Variants in TBC1D5 observed in about 807,000 individuals in gnomAD.
TBC1D5 encodes the protein TBC1 domain family, member 5.
Under a neutral mutation model 100.3 loss-of-function variants are expected in TBC1D5, and 75 were observed. The ratio of observed to expected loss-of-function variants is 0.75; its 90% CI spans 0.62 to 0.91. The LOEUF (loss-of-function observed/expected upper bound fraction) is 0.91. Ranked by LOEUF, TBC1D5 falls within the 40% of genes least tolerant of loss-of-function variation. TBC1D5 has a pLI of 0.00. For synonymous variants in TBC1D5, 323 were observed against 325.6 expected, an observed-to-expected ratio of 0.99 and a Z score of 0.09; for missense variants, 910 against 942.4, an observed-to-expected ratio of 0.97 and a Z score of 0.45.
chr3:17,209,927 C>CTA (rs1387416727), intron 18 of TBC1D5, among the ~76,000 whole-genome samples: 1 of 152,138 alleles, frequency 6.6e-6, no homozygotes, highest in African/African-American at 2.4e-5. Flanking sequence ...TTTAGCAGTG[C>CTA]TATAGTCTTC....
chr3:17,270,517 T>C (rs1297923727), intron 15 of TBC1D5, among the ~76,000 whole-genome samples: 2 of 152,172 alleles, frequency 1.3e-5, no homozygotes, highest in Non-Finnish European at 2.9e-5. Context: ...TACTTCACTG[T>C]AAGTGAGCAT....
In TBC1D5 at chr3:17,476,462, GTCTA is replaced by G. The variant is rs1276931008; in HGVS notation, c.97+32008_97+32011del. Among the ~76,000 whole-genome samples the G allele has an allele frequency of 9.2e-5, 14 of 152,022 alleles. No homozygotes were observed. In the East Asian group the frequency reaches 9.6e-4, roughly 10 times the overall value. Reference sequence around the variant, plus strand: ...GTATTTGGTTTTCATGTAAGTTTGAGTCTATCTGTCTATCTGTTCTTCCCACTAG... The same window carrying G: ...GTATTTGGTTTTCATGTAAGTTTGAGTCTGTCTATCTGTTCTTCCCACTAG... On this transcript the variant is annotated intron_variant, in intron 3 of 21. Transcript: ENST00000253692.
At chr3:17,506,071 A>T (rs936385286) in intron 3 of TBC1D5, among the ~76,000 whole-genome samples, 6 of 152,248 alleles carry the variant, frequency 3.9e-5, no homozygotes, top group Admixed American at 3.3e-4. Flanking sequence ...ATACTTAGAA[A>T]ATGAGTCATC....
At chr3:17,297,925 C>T (rs1435679039) in intron 14 of TBC1D5, among the ~76,000 whole-genome samples, 1 of 152,002 alleles carries the variant, frequency 6.6e-6, no homozygotes, top group Non-Finnish European at 1.5e-5. Flanking sequence ...ACTGTGAACA[C>T]TATTGTAGTA....
upstream of TBC1D5, among the ~76,000 whole-genome samples, chr3:17,741,726 G>C (rs1042460377): frequency 2.0e-5 from 3 of 149,896 alleles, no homozygotes; most frequent in Non-Finnish European, 4.4e-5. Flanking sequence ...TTGTAGAATC[G>C]AATCTTGTAG....
At chr3:17,738,859 T>A (rs1025561509) in intron 1 of TBC1D5, among the ~76,000 whole-genome samples, 2 of 152,224 alleles carry the variant, frequency 1.3e-5, no homozygotes, top group African/African-American at 4.8e-5. Flanking sequence ...ATTTATATAA[T>A]GTTTAATGTT....
At chr3:17,684,660 T>C (rs1232296225) in intron 1 of TBC1D5, among the ~76,000 whole-genome samples, 2 of 152,072 alleles carry the variant, frequency 1.3e-5, no homozygotes, top group Non-Finnish European at 2.9e-5. Context: ...AAGAGAATTA[T>C]TAACTAAGTC....
chr3:17,558,569 G>C (rs549450407), intron 2 of TBC1D5, among the ~76,000 whole-genome samples: 2 of 152,118 alleles, frequency 1.3e-5, no homozygotes, highest in Non-Finnish European at 2.9e-5. Flanking sequence ...TTTTCAAAAG[G>C]TTCTCCCACA....
At chr3:17,304,030 T>C (rs1043793989) in intron 14 of TBC1D5, among the ~76,000 whole-genome samples, 2 of 152,020 alleles carry the variant, frequency 1.3e-5, no homozygotes, top group Admixed American at 6.6e-5. Context: ...TTTCCTCCTT[T>C]ATCAGATATG....
chr3:17,199,208 A>G (rs1215714448), intron 18 of TBC1D5, among the ~76,000 whole-genome samples: 2 of 152,226 alleles, frequency 1.3e-5, no homozygotes, highest in Non-Finnish European at 2.9e-5. Context: ...GTGTCAAAAA[A>G]GAAGTCTGGT....
At chr3:17,381,049 T>C (rs1186482814) in intron 9 of TBC1D5, among the ~76,000 whole-genome samples, 1 of 152,144 alleles carries the variant, frequency 6.6e-6, no homozygotes, top group Admixed American at 6.6e-5. Context: ...GTAAAAAATC[T>C]ATAGGATTTT....
intron 2 of TBC1D5, among the ~76,000 whole-genome samples, chr3:17,516,580 TTATCA>T (rs1439795165): frequency 6.6e-6 from 1 of 152,192 alleles, no homozygotes; most frequent in Non-Finnish European, 1.5e-5. Flanking sequence ...ACTATTATCC[TTATCA>T]TAAGTAGTTA....
At chr3:17,509,620 ATGAC>A (rs2095879725) in intron 2 of TBC1D5, among the ~76,000 whole-genome samples, 1 of 152,006 alleles carries the variant, frequency 6.6e-6, no homozygotes, top group African/African-American at 2.4e-5. Context: ...GTTAATTGTT[ATGAC>A]TGTCTTCATG....
intron 8 of TBC1D5, among the ~76,000 whole-genome samples, chr3:17,394,548 A>G (rs1268313420): frequency 6.6e-6 from 1 of 152,140 alleles, no homozygotes; most frequent in Non-Finnish European, 1.5e-5. Context: ...ATGAAGCTAC[A>G]AAACATATAA....
intron 1 of TBC1D5, among the ~76,000 whole-genome samples, chr3:17,705,676 T>G (rs2153903597): frequency 7.7e-6 from 1 of 129,178 alleles, no homozygotes; most frequent in South Asian, 3.0e-4. Context: ...CGCTCCTCAC[T>G]TCCTAGATGT....
At chr3:17,536,602 T>G (rs981964925) in intron 2 of TBC1D5, among the ~76,000 whole-genome samples, 2 of 152,176 alleles carry the variant, frequency 1.3e-5, no homozygotes, top group South Asian at 4.1e-4. Context: ...TAAGGGACCA[T>G]GACCTGGGGA....
intron 2 of TBC1D5, chr3:17,546,972 T>C (rs1162144151): frequency 6.6e-6 from 1 of 152,204 alleles, no homozygotes; most frequent in Non-Finnish European, 1.5e-5. Flanking sequence ...AGAACATCTC[T>C]TATTAGTCCT....
At chr3:17,337,413 C>T (rs996412370) in intron 13 of TBC1D5, 1 of 152,114 alleles carries the variant, frequency 6.6e-6, no homozygotes, top group African/African-American at 2.4e-5. Flanking sequence ...CGGTTTTATT[C>T]TGTCTCACCA....
chr3:17,395,714 T>C (rs1249650304), intron 8 of TBC1D5, among the ~76,000 whole-genome samples: 2 of 152,142 alleles, frequency 1.3e-5, no homozygotes, highest in African/African-American at 4.8e-5. Context: ...GCTGCCGCTA[T>C]GTACTACTGC....
Sources: gnomAD v4.1 joint callset for allele counts (sites outside exome capture counted in the v4.1 genomes callset) on GRCh38, gnomAD v4.1.1 for gene constraint, MANE v1.5 for transcripts, NCBI Gene and HGNC (gene_info 2026-07-23, HGNC 2026-07-21) for gene names.